ITGB3BP: variants seen among roughly 807,000 people sequenced by gnomAD.
ITGB3BP encodes the protein centromere protein R.
A neutral mutation model predicts 29.1 loss-of-function variants in ITGB3BP; 27 were observed. That is an observed-to-expected ratio of 0.93 (90% CI 0.68 to 1.28). The LOEUF is 1.28. ITGB3BP is among the 50% of genes most tolerant of loss of function. ITGB3BP has a pLI of 0.00. For synonymous variants in ITGB3BP, 61 were observed against 61.4 expected, an observed-to-expected ratio of 0.99 and a Z score of 0.03; for missense variants, 192 against 200.2, an observed-to-expected ratio of 0.96 and a Z score of 0.25.
rs865994377 is a variant in ITGB3BP, at chr1:63,519,624, T to C, written c.5+3505A>G. 1.3e-4 allele frequency among the ~76,000 whole-genome samples: 20 copies of C among 152,214 alleles called. No individual in the cohort carries two copies. The Middle Eastern group carries it at 0.01, about 78-fold the overall frequency. On this transcript the variant is annotated intron_variant, in intron 1 of 8. Transcript: ENST00000271002. ...CAGGACACTTTATTTATAAAAGAAA[T>C]TATATAACTTTGAATATCTACTATA...
chr1:63,492,360 T>C (rs2100687914), intron 2 of ITGB3BP, among the ~76,000 whole-genome samples: 1 of 152,300 alleles, frequency 6.6e-6, no homozygotes, highest in South Asian at 2.1e-4. Flanking sequence ...CTTTCCCTAC[T>C]ATACCACTAA....
At chr1:63,472,036 A>G (rs1203878450) in intron 4 of ITGB3BP, among the ~76,000 whole-genome samples, 8 of 147,742 alleles carry the variant, frequency 5.4e-5, no homozygotes, top group Non-Finnish European at 1.0e-4. Flanking sequence ...CGCCCGCCTC[A>G]GCCTCCCAAA....
upstream of ITGB3BP, among the ~76,000 whole-genome samples, chr1:63,525,266 T>C (rs1646566967): frequency 6.6e-6 from 1 of 152,202 alleles, no homozygotes; most frequent in South Asian, 2.1e-4. Context: ...TGTGTATATC[T>C]TTGTTCTTTT....
chr1:63,473,472 TG>T (rs1191463595), intron 4 of ITGB3BP, among the ~76,000 whole-genome samples: 9 of 92,428 alleles, frequency 9.7e-5, no homozygotes, highest in Admixed American at 7.2e-4. Flanking sequence ...AGGAGGGAGG[TG>T]GGGGGGTCAG....
chr1:63,524,400 C>T (rs368729336), upstream of ITGB3BP, among the ~76,000 whole-genome samples: 9 of 152,300 alleles, frequency 5.9e-5, no homozygotes, highest in East Asian at 1.4e-3. Flanking sequence ...AAGTGTCAGG[C>T]AGGCGGCCTG....
chr1:63,504,430 C>T (rs1475339439), intron 2 of ITGB3BP, among the ~76,000 whole-genome samples: 1 of 151,928 alleles, frequency 6.6e-6, no homozygotes. Flanking sequence ...ATGGGGTTTT[C>T]TAGATATACA....
intron 3 of ITGB3BP, among the ~76,000 whole-genome samples, chr1:63,482,147 C>T (rs1645448529): frequency 6.6e-6 from 1 of 151,164 alleles, no homozygotes; most frequent in Admixed American, 6.6e-5. Flanking sequence ...GTGGTGTGTG[C>T]CTATAATCTC....
intron 4 of ITGB3BP, among the ~76,000 whole-genome samples, chr1:63,472,843 C>T (rs1362844679): frequency 6.6e-6 from 1 of 152,024 alleles, no homozygotes; most frequent in Non-Finnish European, 1.5e-5. Context: ...ACCTCCCAGC[C>T]GCCTGCCTTG....
rs969013197 is a variant in ITGB3BP at position 63,462,831 on chromosome 1, A to T, written c.255-7863T>A. 7.9e-5 allele frequency among the ~76,000 whole-genome samples: 12 copies of T among 152,242 alleles called. No homozygotes were observed. The South Asian group carries it at 8.3e-4, about 10-fold the overall frequency. On this transcript the variant is annotated intron_variant, in intron 4 of 8. Coordinates refer to ENST00000271002, the MANE Select transcript of ITGB3BP (RefSeq NM_014288.5). The stretch of plus-strand genomic sequence containing the variant: ...GCAAAACAAAACAACAAAAATTTTT[A>T]AAAAACCAGTTCTGGCATAACTCAC...
intron 1 of ITGB3BP, among the ~76,000 whole-genome samples, chr1:63,519,247 CTTAAA>C (rs766806170): frequency 2.5e-4 from 38 of 152,044 alleles, no homozygotes; most frequent in Admixed American, 9.2e-4. Flanking sequence ...GTTGAGAACT[CTTAAA>C]TTAACTTATA....
rs993746645 is a variant in ITGB3BP, at chr1:63,499,085, G to A, written c.49-8867C>T. On this transcript the variant is annotated intron_variant, in intron 2 of 8. Transcript: ENST00000271002. ...ATCAACAGCATGTAAAGACATAAGA[G>A]TTAATATTCAAAAAATTTACAACAA... Among the ~76,000 whole-genome samples the A allele has an allele frequency of 2.7e-5, 4 of 150,338 alleles. No homozygotes were observed. The South Asian group carries it at 8.4e-4, about 31-fold the overall frequency.
intron 2 of ITGB3BP, among the ~76,000 whole-genome samples, chr1:63,500,254 T>C (rs1297453290): frequency 1.3e-5 from 2 of 152,124 alleles, no homozygotes; most frequent in African/African-American, 4.8e-5. Flanking sequence ...TGTGTGCACC[T>C]GTAGTCCCAG....
intron 2 of ITGB3BP, among the ~76,000 whole-genome samples, chr1:63,501,328 T>C (rs1263739659): frequency 6.6e-6 from 1 of 152,102 alleles, no homozygotes; most frequent in Admixed American, 6.5e-5. Flanking sequence ...AACAGGTAAA[T>C]TGAATCTTGA....
At chr1:63,466,735 A>T (rs1290688095) in intron 4 of ITGB3BP, among the ~76,000 whole-genome samples, 3 of 152,242 alleles carry the variant, frequency 2.0e-5, no homozygotes, top group Admixed American at 2.0e-4. Context: ...AATTTGACAA[A>T]GCATTCATGA....
At chr1:63,486,683 G>C (rs1388472317) in intron 3 of ITGB3BP, among the ~76,000 whole-genome samples, 1 of 151,972 alleles carries the variant, frequency 6.6e-6, no homozygotes, top group African/African-American at 2.4e-5. Context: ...GTAATGTCAT[G>C]ATTTTTCTCT....
intron 4 of ITGB3BP, among the ~76,000 whole-genome samples, chr1:63,477,016 T>A (rs376313748): frequency 1.3e-5 from 2 of 152,120 alleles, no homozygotes; most frequent in African/African-American, 4.8e-5. Flanking sequence ...TAGGAAGAAA[T>A]AATTTACAAC....
At chr1:63,510,915 GAA>G (rs1272802512) in intron 1 of ITGB3BP, among the ~76,000 whole-genome samples, 2 of 152,144 alleles carry the variant, frequency 1.3e-5, no homozygotes, top group Non-Finnish European at 2.9e-5. Context: ...AGTAGGAATA[GAA>G]GAGACGGATG....
At chr1:63,444,721 A>C (rs1029299216) in intron 8 of ITGB3BP, among the ~76,000 whole-genome samples, 50 of 151,108 alleles carry the variant, frequency 3.3e-4, no homozygotes, top group African/African-American at 1.1e-3. Context: ...ATCCTTACTT[A>C]ACAGGATATA....
At chr1:63,517,442 CATCTTT>C (rs1163929377) in intron 1 of ITGB3BP, among the ~76,000 whole-genome samples, 1 of 151,646 alleles carries the variant, frequency 6.6e-6, no homozygotes, top group African/African-American at 2.4e-5. Context: ...CATTTATCTT[CATCTTT>C]AATTTCTCTA....
Sources: gnomAD v4.1 joint callset for allele counts (sites outside exome capture counted in the v4.1 genomes callset) on GRCh38, gnomAD v4.1.1 for gene constraint, MANE v1.5 for transcripts, NCBI Gene and HGNC (gene_info 2026-07-23, HGNC 2026-07-21) for gene names.